The following AP3D1 variants were observed in gnomAD, a reference collection of about 807,000 sequenced individuals.
The protein encoded by AP3D1 is adaptor related protein complex 3 subunit delta 1, also known as AP-3 complex subunit delta-1.
Under a neutral mutation model 147.6 loss-of-function variants are expected in AP3D1, and 51 were observed. That is an observed-to-expected ratio of 0.35 (90% CI 0.28 to 0.44). The LOEUF is 0.44. AP3D1 is among the 20% of genes least tolerant of loss of function. The probability of loss-of-function intolerance (pLI) is 1.00; values close to 1 mark genes in which losing one functional copy is unlikely to be tolerated. For synonymous variants in AP3D1, 760 were observed against 663.0 expected, an observed-to-expected ratio of 1.15 and a Z score of -2.25; for missense variants, 1,421 against 1,624.2, an observed-to-expected ratio of 0.87 and a Z score of 2.15.
chr19:2,147,792 G>A (rs1260278954), intron 1 of AP3D1, among the ~76,000 whole-genome samples: 2 of 151,434 alleles, frequency 1.3e-5, no homozygotes, highest in Non-Finnish European at 2.9e-5. Flanking sequence ...TGCTTGGGAG[G>A]TTGAGTCACT....
At chr19:2,126,250 C>G (rs182599468) in intron 9 of AP3D1, among the ~76,000 whole-genome samples, 1 of 149,300 alleles carries the variant, frequency 6.7e-6, no homozygotes, top group Non-Finnish European at 1.5e-5. Flanking sequence ...CCCAATGCCC[C>G]GTGAGGCTTT....
intron 1 of AP3D1, among the ~76,000 whole-genome samples, chr19:2,148,272 C>T (rs1434071580): frequency 6.6e-6 from 1 of 152,084 alleles, no homozygotes; most frequent in African/African-American, 2.4e-5. Flanking sequence ...GCTTTAGAAG[C>T]TGAGGACACT....
At chr19:2,154,250 A>G (rs1198638975), upstream of AP3D1, among the ~76,000 whole-genome samples, 7 of 150,912 alleles carry the variant, frequency 4.6e-5, no homozygotes, top group Admixed American at 4.6e-4. Context: ...CACCAGCCTC[A>G]GAAATATTTA....
At position 2,112,898 on chromosome 19, in the gene AP3D1, C is replaced by T. The variant is rs766822089; in HGVS notation, c.2749G>A (p.Gly917Ser). 6.2e-7 allele frequency: 1 copy of T among 1,613,362 alleles called. No individual in the cohort carries two copies. The highest frequency in any genetic ancestry group is 8.5e-7 in the Non-Finnish European group (1 of 1,179,702). ...TGCCCCTCGGCATCGTCCTCCTCGC[C>T]CTGCGCCTCCGTCTTGGCGTCCTCA... ...ECEDAKTEAQ[G>S]EEDDAEGQDQ... The change falls in exon 24 of 32, where the codon GGC (glycine) becomes AGC (serine). Residue 917 changes from glycine (G) to serine (S), a missense_variant. By Grantham distance (56) the Gly-to-Ser change is moderately conservative (BLOSUM62 0). This residue lies in a region of AP3D1 where 791 missense variants were observed against 761.4 expected (regional missense o/e 1.04). Coordinates refer to ENST00000643116, the MANE Select transcript of AP3D1 (RefSeq NM_001261826.3).
At chr19:2,131,519 TCGGC>T (rs2018943228) in intron 5 of AP3D1, among the ~76,000 whole-genome samples, 1 of 110,468 alleles carries the variant, frequency 9.1e-6, no homozygotes. Flanking sequence ...ACAGGGCCCA[TCGGC>T]CACGATCTAG....
chr19:2,157,263 A>G (rs541065392), intron 1 of AP3D1, among the ~76,000 whole-genome samples: 78 of 151,490 alleles, frequency 5.1e-4, no homozygotes, highest in African/African-American at 1.8e-3. Flanking sequence ...TAAAACGGTG[A>G]AACCCCGTCT....
rs114230112 is a variant in AP3D1 at position 2,123,508 on chromosome 19, G to A, written c.907-102C>T. 5.5e-4 allele frequency: 667 copies of A among 1,212,556 alleles called. 2 individuals are homozygous for A. In the African/African-American group the frequency reaches 8.5e-3, roughly 15 times the overall value. The allele number at this position is 1,212,556 out of a possible 1,614,324, so 75.1% of individuals were successfully genotyped here. ...ACCTCAACCTGGCCTAAGGCCCGGC[G>A]TCAGCCCCACCCACCAATCAAAGCC... On this transcript the variant is annotated intron_variant, in intron 10 of 31. Transcript: ENST00000643116.
At chr19:2,162,434 C>T (rs1036374748) in intron 1 of AP3D1, among the ~76,000 whole-genome samples, 2 of 150,114 alleles carry the variant, frequency 1.3e-5, no homozygotes, top group Non-Finnish European at 3.0e-5. Context: ...GAGGGCGGAT[C>T]ACTTGAGTTT....
Position 2,115,567 on chromosome 19 carries a change from A to G in AP3D1, c.2120T>C (p.Ile707Thr). 6.2e-7 allele frequency: 1 copy of G among 1,613,240 alleles called. No homozygotes were observed. The highest frequency in any genetic ancestry group is 8.5e-7 in the Non-Finnish European group (1 of 1,179,864). Residue 707 changes from isoleucine (I) to threonine (T), a missense_variant, in exon 19 of 32, where the codon ATT (isoleucine) becomes ACT (threonine). Ile to Thr is a moderately conservative substitution (Grantham distance 89, BLOSUM62 -1). Around this residue, in one of 6 missense-constraint regions of AP3D1, gnomAD observed 791 missense variants for 761.4 expected, o/e 1.04. Transcript: ENST00000643116. ...PGVEHIPVVQ[I>T]DLSVPLKVPG... ...AACCTTCAAGGGGACGGAGAGGTCAATCTGCACCACGGGAATGTGCTCCAC... is the reference window on the plus strand; with the variant it reads ...AACCTTCAAGGGGACGGAGAGGTCAGTCTGCACCACGGGAATGTGCTCCAC...
At chr19:2,120,815 CAGAAGCTTGG>C (rs1368864590) in intron 14 of AP3D1, 37 bp downstream of exon 14, 1 of 1,570,116 alleles carries the variant, frequency 6.4e-7, no homozygotes, top group Admixed American at 1.7e-5. Context: ...CCCTACCCCT[CAGAAGCTTGG>C]AGAAGCTGCC....
chr19:2,119,147 C>T (rs775286260), intron 14 of AP3D1, among the ~76,000 whole-genome samples: 2 of 152,192 alleles, frequency 1.3e-5, no homozygotes, highest in Non-Finnish European at 2.9e-5. Flanking sequence ...AGGGAACAGA[C>T]GGAACCGGGA....
intron 1 of AP3D1, among the ~76,000 whole-genome samples, chr19:2,160,422 G>A (rs945325410): frequency 1.3e-5 from 2 of 152,132 alleles, no homozygotes; most frequent in African/African-American, 4.8e-5. Context: ...CCCGCTACTC[G>A]GGAGGCTGAG....
At chr19:2,160,797 G>C (rs901428533) in intron 1 of AP3D1, among the ~76,000 whole-genome samples, 16 of 152,186 alleles carry the variant, frequency 1.1e-4, no homozygotes, top group African/African-American at 3.6e-4. Flanking sequence ...ATCAGGGCCA[G>C]ATTGTTCTCT....
chr19:2,111,076 C>T lies in AP3D1; in HGVS notation c.2986-180G>A, dbSNP rs1357185057. 1.3e-5 allele frequency: 12 copies of T among 909,100 alleles called. No individual in the cohort carries two copies. The South Asian group carries it at 1.4e-4, about 10-fold the overall frequency. 56.3% of individuals were successfully genotyped at this position (909,100 alleles called of 1,614,324 possible). A position where few individuals can be genotyped will look rare whatever the true frequency, so the allele number is the denominator to read the frequency against. ...CTATGGCTGCTCTTTGAGTGCATGG[C>T]GGGGACCCTCCTGCCAGTCCAAGTC... On this transcript the variant is annotated intron_variant, in intron 26 of 31. Transcript: ENST00000643116.
Position 2,117,374 on chromosome 19 carries a change from G to A in AP3D1, c.1714-7C>T, listed in dbSNP as rs756408394. On this transcript the variant is annotated splice_polypyrimidine_tract_variant and splice_region_variant and intron_variant, in intron 15 of 31. Coordinates refer to ENST00000643116, the MANE Select transcript of AP3D1 (RefSeq NM_001261826.3). ...GCTGCAGGATGCAGGACGCCTGTGG[G>A]GGACACAGGGGTCACTGCTGGCACC... is the stretch of plus-strand genomic sequence containing the variant. 1.5e-5 allele frequency: 24 copies of A among 1,584,746 alleles called. No homozygotes were observed. Among genetic ancestry groups the A allele is most frequent in the African/African-American group, 4.1e-5 (3 of 73,932 alleles).
At chr19:2,117,563 T>C (rs1006975547) in intron 15 of AP3D1, among the ~76,000 whole-genome samples, 196 bp from the exon 16 acceptor site, 22 of 152,256 alleles carry the variant, frequency 1.4e-4, no homozygotes, top group African/African-American at 5.3e-4. Context: ...AACAGACCAG[T>C]CCGGAAACAG....
At chr19:2,126,621 C>A (rs372443085) in intron 9 of AP3D1, among the ~76,000 whole-genome samples, 10 of 146,896 alleles carry the variant, frequency 6.8e-5, no homozygotes, top group African/African-American at 2.5e-4. Context: ...CCACTGCCCT[C>A]CAGCCTGGGC....
intron 4 of AP3D1, among the ~76,000 whole-genome samples, 184 bp from the exon 5 acceptor site, chr19:2,132,762 G>A (rs547484647): frequency 3.9e-5 from 6 of 152,160 alleles, no homozygotes; most frequent in Non-Finnish European, 8.8e-5. Context: ...ACTCGGACAA[G>A]GAGGAAGAAT....
At chr19:2,122,107 C>A (rs1485790462) in intron 11 of AP3D1, among the ~76,000 whole-genome samples, 1 of 152,198 alleles carries the variant, frequency 6.6e-6, no homozygotes, top group Non-Finnish European at 1.5e-5. Flanking sequence ...TGCCGGCTCC[C>A]TCAGGAAGGC....
Sources: gnomAD v4.1 joint callset for allele counts (sites outside exome capture counted in the v4.1 genomes callset) on GRCh38, gnomAD v4.1.1 for gene constraint, gnomAD v4.1.1 regional missense constraint, MANE v1.5 for transcripts, NCBI Gene and HGNC (gene_info 2026-07-23, HGNC 2026-07-21) for gene names.